ZSWIM9: variants seen among roughly 807,000 people sequenced by gnomAD.
The protein encoded by ZSWIM9 is uncharacterized protein ZSWIM9.
A neutral mutation model predicts 25.0 loss-of-function variants in ZSWIM9; 11 were observed. The ratio of observed to expected loss-of-function variants is 0.44; its 90% CI spans 0.28 to 0.73. The LOEUF (loss-of-function observed/expected upper bound fraction) is 0.73. Among genes scored for constraint, ZSWIM9 ranks in the 30% least tolerant of loss-of-function variants. The probability of loss-of-function intolerance (pLI) is 0.16; values close to 1 mark genes in which losing one functional copy is unlikely to be tolerated. For synonymous variants in ZSWIM9, 562 were observed against 582.1 expected, an observed-to-expected ratio of 0.97 and a Z score of 0.50; for missense variants, 1,070 against 1,296.5, an observed-to-expected ratio of 0.83 and a Z score of 2.68.
In ZSWIM9 at chr19:48,195,727, G is replaced by C. The variant is rs772362403; in HGVS notation, c.1663G>C (p.Glu555Gln). 1.5e-5 allele frequency: 22 copies of C among 1,480,588 alleles called. No homozygotes were observed. Among genetic ancestry groups the C allele is most frequent in the Non-Finnish European group, 2.0e-5 (22 of 1,122,142 alleles). The allele number at this position is 1,480,588 out of a possible 1,614,324, so 91.7% of individuals were successfully genotyped here. ...AGAGAAAGGGCACCTGAGAGGGCCA[G>C]AGATTAGAGACTGGAGGGGGCCCCA... ...KLEKGHLRGP[E>Q]IRDWRGPQLE... Residue 555 changes from glutamate (E) to glutamine (Q), a missense_variant, in exon 4 of 4, where the codon GAG (glutamate) becomes CAG (glutamine). Glu to Gln is a conservative substitution (Grantham distance 29). Coordinates refer to ENST00000614654, the MANE Select transcript of ZSWIM9 (RefSeq NM_199341.4). This position sits in a 1 kb window ranked among gnomAD's most constrained non-coding sequence, Gnocchi z 5.8.
In ZSWIM9 at chr19:48,194,677, C is replaced by A. The variant is rs759392624; in HGVS notation, c.613C>A (p.Gln205Lys). Residue 205 changes from glutamine (Q) to lysine (K), a missense_variant, in exon 4 of 4, where the codon CAG becomes AAG. Gln to Lys is a moderately conservative substitution (Grantham distance 53). This residue lies in a region of ZSWIM9 where 265 missense variants were observed against 339.0 expected (regional missense o/e 0.78). Coordinates refer to ENST00000614654, the MANE Select transcript of ZSWIM9 (RefSeq NM_199341.4). The surrounding 1 kb of genome is among the most constrained non-coding windows in gnomAD (Gnocchi z 6.0). ...GGTGAAGCTGGTGTTCGTGGAGGACCAGGCTGTGGTGGAGACGGTGTTCTT... is the reference window on the plus strand; with the variant it reads ...GGTGAAGCTGGTGTTCGTGGAGGACAAGGCTGTGGTGGAGACGGTGTTCTT... Reference protein sequence around the residue: ...AKVKLVFVEDQAVVETVFFLT... With the variant: ...AKVKLVFVEDKAVVETVFFLT... 277 of 1,512,202 alleles carry A rather than the reference C, an allele frequency of 1.8e-4. No individual in the cohort carries two copies. The highest frequency in any genetic ancestry group is 7.0e-4 in the Admixed American group (34 of 48,528). The allele number at this position is 1,512,202 out of a possible 1,614,324, so 93.7% of individuals were successfully genotyped here.
rs993770766 is a variant in ZSWIM9, at chr19:48,182,277, G to A, written c.276-178G>A. 1.7e-6 allele frequency: 1 copy of A among 604,958 alleles called. No homozygotes were observed. Among genetic ancestry groups the A allele is most frequent in the African/African-American group, 1.9e-5 (1 of 53,744 alleles). 37.5% of individuals were successfully genotyped at this position (604,958 alleles called of 1,614,324 possible). ...CTTCCTTGTAACCTATGAGGAAACT[G>A]AGGCATAGAGACTTGAAGTGACTTG... On this transcript the variant is annotated intron_variant, in intron 2 of 3. Coordinates refer to ENST00000614654, the MANE Select transcript of ZSWIM9 (RefSeq NM_199341.4). The surrounding 1 kb of genome is among the most constrained non-coding windows in gnomAD (Gnocchi z 4.6).
chr19:48,182,389 G>T lies in ZSWIM9; in HGVS notation c.276-66G>T. ...TTCTTAGTTTAAAAAAAAAAAAAAG[G>T]TGAGTGGAAAGGAAGAAGAGGGCAG... is the stretch of plus-strand genomic sequence containing the variant. On this transcript the variant is annotated intron_variant, in intron 2 of 3. Transcript: ENST00000614654. The surrounding 1 kb of genome is among the most constrained non-coding windows in gnomAD (Gnocchi z 4.6). 3 of 1,221,658 alleles carry T rather than the reference G, an allele frequency of 2.5e-6. No individual in the cohort carries two copies. The highest frequency in any genetic ancestry group is 3.3e-6 in the Non-Finnish European group (3 of 905,768). The allele number at this position is 1,221,658 out of a possible 1,614,324, so 75.7% of individuals were successfully genotyped here.
chr19:48,195,245 T>C lies in ZSWIM9; in HGVS notation c.1181T>C (p.Phe394Ser). Residue 394 changes from phenylalanine (F) to serine (S), a missense_variant, in exon 4 of 4, where the codon TTC (phenylalanine) becomes TCC (serine). Around this residue, in one of 4 missense-constraint regions of ZSWIM9, gnomAD observed 184 missense variants for 243.1 expected, o/e 0.76. Coordinates refer to ENST00000614654, the MANE Select transcript of ZSWIM9 (RefSeq NM_199341.4). This position sits in a 1 kb window ranked among gnomAD's most constrained non-coding sequence, Gnocchi z 5.8. ...GACATGTGGGTCCGCTTCCGCGCCT[T>C]CGAGGCGGCCAGAGACCTGGACGCG... ...RRDMWVRFRA[F>S]EAARDLDACA... The C allele has an allele frequency of 3.3e-6, 5 of 1,529,372 alleles. No individual in the cohort carries two copies. The highest frequency in any genetic ancestry group is 4.4e-6 in the Non-Finnish European group (5 of 1,143,284). 94.7% of individuals were successfully genotyped at this position (1,529,372 alleles called of 1,614,324 possible). A position where few individuals can be genotyped will look rare whatever the true frequency, so the allele number is the denominator to read the frequency against.
At position 48,197,169 on chromosome 19, in the gene ZSWIM9, T is replaced by G; in HGVS notation, c.*342T>G. 2 of 687,458 alleles carry G rather than the reference T, an allele frequency of 2.9e-6. No homozygotes were observed. The highest frequency in any genetic ancestry group is 2.7e-4 in the Middle Eastern group (1 of 3,720). 42.6% of individuals were successfully genotyped at this position (687,458 alleles called of 1,614,324 possible). On this transcript the variant is annotated 3_prime_UTR_variant, in exon 4 of 4. Transcript: ENST00000614654. ...AGCTGGGGGGAGGGGGAGGAAGCGA[T>G]CATATGGGGAGTGTCTGGCAAGAGT...
At chr19:48,186,291 T>TTTTG (rs67471251) in intron 3 of ZSWIM9, among the ~76,000 whole-genome samples, 8 of 149,064 alleles carry the variant, frequency 5.4e-5, no homozygotes, top group South Asian at 4.2e-4. Context: ...TACACGCTGT[T>TTTTG]TTTGTTTGTT....
intron 2 of ZSWIM9, among the ~76,000 whole-genome samples, chr19:48,174,145 G>GT (rs2036869585): frequency 6.6e-6 from 1 of 151,820 alleles, no homozygotes; most frequent in African/African-American, 2.4e-5. Flanking sequence ...CAGTAGGTGT[G>GT]TGAGTTTGAG....
Position 48,171,779 on chromosome 19 carries a change from CCCT to C in ZSWIM9, c.-9-9_-9-7del. On this transcript the variant is annotated splice_polypyrimidine_tract_variant and intron_variant, in intron 1 of 3. Transcript: ENST00000614654. ...ATGGGTCTGATATCCACCTGTTCTC[CCCT>C]CCTCCACGCAGGCCCCCAGGATGGA... 1 of 1,522,334 alleles carries C rather than the reference CCCT, an allele frequency of 6.6e-7. No homozygotes were observed. The allele number at this position is 1,522,334 out of a possible 1,614,324, so 94.3% of individuals were successfully genotyped here.
At chr19:48,172,159 C>A in intron 2 of ZSWIM9, 82 bp downstream of exon 2, 2 of 1,335,966 alleles carry the variant, frequency 1.5e-6, no homozygotes, top group Non-Finnish European at 2.0e-6. Context: ...GCAGAGAACA[C>A]CCCACCCAGA....
chr19:48,187,450 T>TTAATTG (rs2037030372), intron 3 of ZSWIM9, among the ~76,000 whole-genome samples: 2 of 103,972 alleles, frequency 1.9e-5, no homozygotes, highest in Non-Finnish European at 3.6e-5. Context: ...ATATTATATA[T>TTAATTG]TATATATTAA....
chr19:48,186,729 G>A (rs909271653), intron 3 of ZSWIM9: 1 of 154,904 alleles, frequency 6.5e-6, no homozygotes, highest in Non-Finnish European at 1.5e-5. Context: ...GGGGGTGAAG[G>A]CCAGGCTGCC....
At position 48,183,085 on chromosome 19, in the gene ZSWIM9, C is replaced by T. The variant is rs995811282; in HGVS notation, c.588+318C>T. 1.5e-5 allele frequency: 4 copies of T among 273,654 alleles called. No individual in the cohort carries two copies. The South Asian group carries it at 2.3e-4, about 16-fold the overall frequency. 17.0% of individuals were successfully genotyped at this position (273,654 alleles called of 1,614,324 possible). On this transcript the variant is annotated intron_variant, in intron 3 of 3. Transcript: ENST00000614654. ...GAGCACTTGAAATGTGTCCAGTACA[C>T]TGAGGAACTGAATTAATTAATTAAT... is the stretch of plus-strand genomic sequence containing the variant.
rs796510651 is a variant in ZSWIM9, at chr19:48,188,227, C to CT, written c.588+5473dup. Among the ~76,000 whole-genome samples the CT allele has an allele frequency of 4.3e-3, 623 of 144,576 alleles. 5 individuals are homozygous for CT. The highest frequency in any genetic ancestry group is 0.012 in the African/African-American group (478 of 39,566). The allele number at this position is 144,576 out of a possible 152,430, so 94.8% of individuals were successfully genotyped here. On this transcript the variant is annotated intron_variant, in intron 3 of 3. Transcript: ENST00000614654. ...ACTTCACCCAGGGAGGTGTTAATAC[C>CT]TTTTTTTTTTTTTGAGATGGAGTCT...
chr19:48,191,597 T>C (rs2037095559), intron 3 of ZSWIM9, among the ~76,000 whole-genome samples: 1 of 152,114 alleles, frequency 6.6e-6, no homozygotes. Flanking sequence ...AAAGGGAAGG[T>C]TTACTCACGT....
At chr19:48,188,928 G>A (rs2037062191) in intron 3 of ZSWIM9, among the ~76,000 whole-genome samples, 1 of 152,056 alleles carries the variant, frequency 6.6e-6, no homozygotes, top group African/African-American at 2.4e-5. Flanking sequence ...CTACTTGGGA[G>A]GCTGAGGCAG....
rs145043962 is a variant in ZSWIM9 at position 48,184,897 on chromosome 19, C to T, written c.588+2130C>T. 3.9e-4 allele frequency among the ~76,000 whole-genome samples: 60 copies of T among 152,228 alleles called. No individual in the cohort carries two copies. The East Asian group carries it at 0.011, about 28-fold the overall frequency. ...CATGGGGACAAACACACATGCACTT[C>T]CTACTCCACTGGTCTTTGCTGATCT... On this transcript the variant is annotated intron_variant, in intron 3 of 3. Transcript: ENST00000614654.
chr19:48,187,544 TATATTATATATATTATATATA>T (rs1258815809), intron 3 of ZSWIM9: 390 of 33,518 alleles, frequency 0.012, 3 homozygotes, highest in Non-Finnish European at 0.02. Flanking sequence ...ATTATTATAT[TATATTATATATATTATATATA>T]ATATTATATA....
intron 2 of ZSWIM9, 56 bp downstream of exon 2, chr19:48,172,133 TG>T: frequency 9.0e-6 from 6 of 665,926 alleles, no homozygotes; most frequent in Non-Finnish European, 1.1e-5. Context: ...CGGGGGTGGG[TG>T]TGGGTGGGAG....
In ZSWIM9 at chr19:48,197,348, G is replaced by A. The variant is rs1186631996; in HGVS notation, c.*521G>A. Reference sequence around the variant, plus strand: ...AAAGAGACAGAAATGAAGACATGAGGAAAAGCTGGGGGAAGCAGGAGAGGA... The same window carrying A: ...AAAGAGACAGAAATGAAGACATGAGAAAAAGCTGGGGGAAGCAGGAGAGGA... On this transcript the variant is annotated 3_prime_UTR_variant, in exon 4 of 4. Coordinates refer to ENST00000614654, the MANE Select transcript of ZSWIM9 (RefSeq NM_199341.4). 4.3e-6 allele frequency: 3 copies of A among 697,976 alleles called. No individual in the cohort carries two copies. Among genetic ancestry groups the A allele is most frequent in the Non-Finnish European group, 7.8e-6 (3 of 382,632 alleles). The allele number at this position is 697,976 out of a possible 1,614,324, so 43.2% of individuals were successfully genotyped here. A position where few individuals can be genotyped will look rare whatever the true frequency, so the allele number is the denominator to read the frequency against.
Sources: allele counts gnomAD v4.1 joint callset (sites outside exome capture counted in the v4.1 genomes callset), GRCh38; gene constraint gnomAD v4.1.1; regional missense constraint gnomAD v4.1.1; non-coding constraint Gnocchi (gnomAD v3.1); transcripts MANE v1.5; gene names NCBI Gene and HGNC (gene_info 2026-07-23, HGNC 2026-07-21).